Variants in ASIC2 observed in about 807,000 individuals in gnomAD.
The protein encoded by ASIC2 is acid-sensing ion channel 2.
Under a neutral mutation model 57.3 loss-of-function variants are expected in ASIC2, and 25 were observed. The ratio of observed to expected loss-of-function variants is 0.44; its 90% CI spans 0.32 to 0.61. The LOEUF is 0.61. ASIC2 is among the 20% of genes least tolerant of loss of function. The probability of loss-of-function intolerance (pLI) is 0.06; values close to 1 mark genes in which losing one functional copy is unlikely to be tolerated. For synonymous variants in ASIC2, 319 were observed against 307.5 expected, an observed-to-expected ratio of 1.04 and a Z score of -0.39; for missense variants, 641 against 738.1, an observed-to-expected ratio of 0.87 and a Z score of 1.52.
chr17:34,153,982 G>T (rs1279061130), intron 1 of ASIC2, among the ~76,000 whole-genome samples: 1 of 152,138 alleles, frequency 6.6e-6, no homozygotes, highest in Non-Finnish European at 1.5e-5. Context: ...ATAGCCTGGG[G>T]TCAAAAAACA....
intron 1 of ASIC2, among the ~76,000 whole-genome samples, chr17:33,840,167 A>G (rs1250546750): frequency 6.6e-6 from 1 of 152,232 alleles, no homozygotes; most frequent in African/African-American, 2.4e-5. Context: ...GTTGGACACT[A>G]GAAATATTAA....
At chr17:34,027,606 C>A (rs746323768) in intron 1 of ASIC2, among the ~76,000 whole-genome samples, 32 of 152,210 alleles carry the variant, frequency 2.1e-4, no homozygotes, top group Non-Finnish European at 4.3e-4. Context: ...TTGTACACTG[C>A]TAGTTCCCTT....
At chr17:33,991,111 A>C (rs982465472) in intron 1 of ASIC2, among the ~76,000 whole-genome samples, 1 of 152,198 alleles carries the variant, frequency 6.6e-6, no homozygotes, top group African/African-American at 2.4e-5. Flanking sequence ...AAAAACATCA[A>C]TCTGGATTTT....
chr17:33,948,911 T>C (rs1468802575), intron 1 of ASIC2, among the ~76,000 whole-genome samples: 1 of 152,172 alleles, frequency 6.6e-6, no homozygotes, highest in Non-Finnish European at 1.5e-5. Context: ...GTAGATCTTT[T>C]AGGTATGCAG....
chr17:33,863,236 C>T (rs1914141477), intron 1 of ASIC2, among the ~76,000 whole-genome samples: 1 of 152,232 alleles, frequency 6.6e-6, no homozygotes, highest in Non-Finnish European at 1.5e-5. Flanking sequence ...GGCTGAGAAG[C>T]CCTGATGGAG....
intron 1 of ASIC2, among the ~76,000 whole-genome samples, chr17:33,681,736 C>G (rs1350728817): frequency 6.6e-6 from 1 of 152,194 alleles, no homozygotes; most frequent in Non-Finnish European, 1.5e-5. Flanking sequence ...AACCCAAAGC[C>G]TCTCCTCTGT....
chr17:33,068,569 C>T (rs2092054110), intron 3 of ASIC2, among the ~76,000 whole-genome samples: 1 of 152,028 alleles, frequency 6.6e-6, no homozygotes, highest in Non-Finnish European at 1.5e-5. Flanking sequence ...CAAAACAAAC[C>T]CAAAATAAGT....
chr17:33,119,097 C>T (rs1206063898), intron 1 of ASIC2, among the ~76,000 whole-genome samples: 1 of 152,118 alleles, frequency 6.6e-6, no homozygotes, highest in East Asian at 1.9e-4. Context: ...TATGTATAAG[C>T]CCCCTTAAGG....
chr17:33,876,508 A>T (rs1263858728), intron 1 of ASIC2, among the ~76,000 whole-genome samples: 1 of 152,226 alleles, frequency 6.6e-6, no homozygotes, highest in Admixed American at 6.5e-5. Context: ...TCTACTAACC[A>T]TTTACCAGGG....
chr17:33,737,610 T>C (rs528490676), intron 1 of ASIC2, among the ~76,000 whole-genome samples: 1 of 152,384 alleles, frequency 6.6e-6, no homozygotes, highest in African/African-American at 2.4e-5. Flanking sequence ...TAAAGAGTGC[T>C]GCACTTATTG....
At chr17:33,399,307 T>A (rs1348202074) in intron 1 of ASIC2, among the ~76,000 whole-genome samples, 1 of 152,198 alleles carries the variant, frequency 6.6e-6, no homozygotes, top group Admixed American at 6.5e-5. Context: ...TCTGACAACC[T>A]GTTTGCTTAG....
At chr17:33,464,457 C>CTCTT (rs1195908487) in intron 1 of ASIC2, among the ~76,000 whole-genome samples, 11 of 85,862 alleles carry the variant, frequency 1.3e-4, no homozygotes, top group East Asian at 5.9e-4. Context: ...GCCTCTTTTT[C>CTCTT]TCTTTCTTTC....
upstream of ASIC2, among the ~76,000 whole-genome samples, chr17:33,294,905 C>A (rs1028501850): frequency 1.3e-4 from 20 of 150,874 alleles, no homozygotes; most frequent in African/African-American, 5.0e-4. Flanking sequence ...GTACTGGGGC[C>A]TCTACCAAAG....
At chr17:34,126,355 T>C (rs1911780429) in intron 1 of ASIC2, among the ~76,000 whole-genome samples, 2 of 152,180 alleles carry the variant, frequency 1.3e-5, no homozygotes, top group Admixed American at 6.5e-5. Context: ...CAAGCCTCAT[T>C]ATCCCACAGC....
In ASIC2 at chr17:33,899,884, G is replaced by C. The variant is rs1419556188; in HGVS notation, c.555+256094C>G. On this transcript the variant is annotated intron_variant, in intron 1 of 9. Coordinates refer to the ASIC2 transcript ENST00000359872. The stretch of plus-strand genomic sequence containing the variant: ...AGTTCCAGAATAGTCTACATGAATA[G>C]AGATCTGTGGAGCTGTGAAGTGCAC... 2.6e-5 allele frequency among the ~76,000 whole-genome samples: 4 copies of C among 152,200 alleles called. No homozygotes were observed. In the East Asian group the frequency reaches 7.7e-4, roughly 29 times the overall value.
At chr17:34,045,823 G>A (rs151021617) in intron 1 of ASIC2, among the ~76,000 whole-genome samples, 53 of 152,278 alleles carry the variant, frequency 3.5e-4, no homozygotes, top group Admixed American at 9.8e-4. Flanking sequence ...TTATAACCCT[G>A]TATACAGACA....
chr17:33,957,558 G>T (rs1199853071), intron 1 of ASIC2, among the ~76,000 whole-genome samples: 2 of 152,132 alleles, frequency 1.3e-5, no homozygotes, highest in African/African-American at 4.8e-5. Flanking sequence ...CAGGGGAACT[G>T]CCCCTTATAA....
intron 1 of ASIC2, among the ~76,000 whole-genome samples, chr17:33,331,067 C>T (rs1399008708): frequency 6.6e-6 from 1 of 152,090 alleles, no homozygotes; most frequent in Non-Finnish European, 1.5e-5. Context: ...TCTAGCTCCA[C>T]CTCCTGTTAG....
chr17:33,506,174 C>A (rs1352826109), intron 1 of ASIC2, among the ~76,000 whole-genome samples: 7 of 144,844 alleles, frequency 4.8e-5, no homozygotes, highest in Non-Finnish European at 1.0e-4. Context: ...GCGGGCAGAT[C>A]ACGAGGTCAG....
Sources: gnomAD v4.1 joint callset for allele counts (sites outside exome capture counted in the v4.1 genomes callset) on GRCh38, gnomAD v4.1.1 for gene constraint, MANE v1.5 for transcripts, NCBI Gene and HGNC (gene_info 2026-07-23, HGNC 2026-07-21) for gene names.